Variants in WAC observed in about 807,000 individuals in gnomAD.
WAC encodes WW domain containing adaptor with coiled-coil.
A neutral mutation model predicts 79.6 loss-of-function variants in WAC; 11 were observed. The observed-to-expected ratio is 0.14, with a 90% CI of 0.09 to 0.23. The LOEUF is 0.23. Among genes scored for constraint, WAC ranks in the 10% least tolerant of loss-of-function variants. The pLI is 1.00. For synonymous variants in WAC, 304 were observed against 276.9 expected (o/e 1.10, Z -0.97); for missense variants, 728 against 773.5 (o/e 0.94, Z 0.70).
intron 3 of WAC, among the ~76,000 whole-genome samples, chr10:28,575,807 A>G (rs932162495): frequency 1.3e-5 from 2 of 152,160 alleles, no homozygotes; most frequent in East Asian, 3.8e-4. Flanking sequence ...ACTCAGTTTC[A>G]TTCTTTTGCA....
At chr10:28,585,191 C>T (rs1043853600) in intron 4 of WAC, among the ~76,000 whole-genome samples, 1 of 152,114 alleles carries the variant, frequency 6.6e-6, no homozygotes, top group Non-Finnish European at 1.5e-5. Flanking sequence ...CCACTCAAGG[C>T]TATTGAACAA....
At chr10:28,572,812 A>G (rs545523446) in intron 3 of WAC, among the ~76,000 whole-genome samples, 14 of 152,336 alleles carry the variant, frequency 9.2e-5, no homozygotes, top group African/African-American at 3.4e-4. Flanking sequence ...ACTCAGTCTC[A>G]GCAACAACAA....
Position 28,533,148 on chromosome 10 carries a change from A to AGCGGCGGCACCAGCGGCGGCG in WAC, c.-423_-403dup, listed in dbSNP as rs1836361107. The AGCGGCGGCACCAGCGGCGGCG allele has an allele frequency of 1.2e-5, 2 of 166,452 alleles. No homozygotes were observed. The highest frequency in any genetic ancestry group is 2.6e-5 in the Non-Finnish European group (2 of 78,016). The allele number at this position is 166,452 out of a possible 1,614,324, so 10.3% of individuals were successfully genotyped here. A position where few individuals can be genotyped will look rare whatever the true frequency, so the allele number is the denominator to read the frequency against. ...GCCCGGATGTAGTTGGTGGAGCGGC[A>AGCGGCGGCACCAGCGGCGGCG]GCGGCGGCACCAGCGGCGGCGGCGG... On this transcript the variant is annotated 5_prime_UTR_variant, in exon 1 of 14. Coordinates refer to ENST00000354911, the MANE Select transcript of WAC (RefSeq NM_016628.5).
intron 3 of WAC, among the ~76,000 whole-genome samples, chr10:28,548,043 C>T (rs1837458944): frequency 6.6e-6 from 1 of 151,612 alleles, no homozygotes; most frequent in South Asian, 2.1e-4. Flanking sequence ...GCCTCAGCCT[C>T]CCGAGTAGCT....
At chr10:28,534,596 T>G (rs1291163317) in intron 2 of WAC, among the ~76,000 whole-genome samples, 2 of 152,262 alleles carry the variant, frequency 1.3e-5, no homozygotes, top group Non-Finnish European at 2.9e-5. Context: ...ATCATTCTGA[T>G]GTAGGTGGTT....
In WAC at chr10:28,617,704, G is replaced by A. The variant is rs779628458; in HGVS notation, c.1794G>A (p.Met598Ile). ...EEAHNMGTIH[M>I]SEICTELKNL... The stretch of plus-strand genomic sequence containing the variant: ...CGCATAACATGGGAACTATTCACAT[G>A]TCCGAAATTTGTACTGAATTAAAAA... The change falls in exon 13 of 14, where the codon ATG (methionine) becomes ATA (isoleucine). Residue 598 changes from methionine (M) to isoleucine (I), a missense_variant. Met to Ile is a conservative substitution (Grantham distance 10, BLOSUM62 1). Transcript: ENST00000354911. The A allele has an allele frequency of 6.3e-7, 1 of 1,598,412 alleles. No homozygotes were observed. The highest frequency in any genetic ancestry group is 1.2e-5 in the South Asian group (1 of 85,274).
chr10:28,581,811 C>T (rs192553863), intron 3 of WAC, among the ~76,000 whole-genome samples: 5 of 152,292 alleles, frequency 3.3e-5, no homozygotes, highest in African/African-American at 9.6e-5. Flanking sequence ...ATCCACCTGC[C>T]TCGGCCTCCC....
At chr10:28,555,581 G>A (rs112290208) in intron 3 of WAC, among the ~76,000 whole-genome samples, 40 of 152,178 alleles carry the variant, frequency 2.6e-4, no homozygotes, top group African/African-American at 9.2e-4. Flanking sequence ...GTCAGTGGGT[G>A]GAAAATTACT....
At chr10:28,611,610 G>T in intron 9 of WAC, 164 bp from the exon 10 acceptor site, 2 of 1,234,228 alleles carry the variant, frequency 1.6e-6, no homozygotes, top group Non-Finnish European at 2.2e-6. Flanking sequence ...GTGGCCCAGT[G>T]AGAAGGTCAG....
At chr10:28,608,136 C>T in intron 7 of WAC, 50 bp from the exon 8 acceptor site, 1 of 1,603,620 alleles carries the variant, frequency 6.2e-7, no homozygotes. Flanking sequence ...ATGTTTGTTC[C>T]AATTTTCTCT....
intron 3 of WAC, among the ~76,000 whole-genome samples, chr10:28,539,492 T>C (rs1836882901): frequency 6.6e-6 from 1 of 152,188 alleles, no homozygotes; most frequent in Non-Finnish European, 1.5e-5. Context: ...TAGTCTGTGA[T>C]CTGTCTGAAA....
intron 3 of WAC, among the ~76,000 whole-genome samples, chr10:28,545,707 G>A (rs1837316159): frequency 1.3e-5 from 2 of 152,164 alleles, no homozygotes; most frequent in Admixed American, 6.5e-5. Context: ...TCACAGATAG[G>A]ATTTGTAAGT....
intron 6 of WAC, among the ~76,000 whole-genome samples, chr10:28,592,246 C>T (rs1333659283): frequency 2.0e-5 from 3 of 151,858 alleles, no homozygotes. Flanking sequence ...AAAATGAGAC[C>T]GAGGTTTTCC....
chr10:28,569,562 T>C (rs947920611), intron 3 of WAC, among the ~76,000 whole-genome samples: 1 of 152,264 alleles, frequency 6.6e-6, no homozygotes, highest in African/African-American at 2.4e-5. Flanking sequence ...ACTTTTATGA[T>C]TGAATCTGTT....
Position 28,613,260 on chromosome 10 carries a change from G to A in WAC, c.1438-1307G>A, listed in dbSNP as rs916092983. ...CACAGACCTATAATCCCAGCTACTC[G>A]GGCGGCTGAGGCATGAGAATCACTT... On this transcript the variant is annotated intron_variant, in intron 10 of 13. Transcript: ENST00000354911. 2.8e-4 allele frequency among the ~76,000 whole-genome samples: 42 copies of A among 152,190 alleles called. 1 individual carries two copies. Among genetic ancestry groups the A allele is most frequent in the East Asian group, 1.9e-4 (1 of 5,200 alleles).
At chr10:28,551,608 T>C (rs1837672404) in intron 3 of WAC, among the ~76,000 whole-genome samples, 1 of 152,108 alleles carries the variant, frequency 6.6e-6, no homozygotes, top group Non-Finnish European at 1.5e-5. Context: ...GCCTTTTATC[T>C]TATTTACTGT....
Position 28,616,172 on chromosome 10 carries a change from G to A in WAC, c.1557-1G>A, listed in dbSNP as rs1841459009. 1 of 1,580,238 alleles carries A rather than the reference G, an allele frequency of 6.3e-7. No homozygotes were observed. The highest frequency in any genetic ancestry group is 1.1e-5 in the South Asian group (1 of 87,556). On this transcript the variant is annotated splice_acceptor_variant, in intron 11 of 13. Transcript: ENST00000354911. LOFTEE classifies it high-confidence loss of function. ...ACTACACATTCAATTCTGTTTTCTA[G>A]TAGCCAGAGAAGTCCATCACCTGGT...
rs1286217702 is a variant in WAC, at chr10:28,622,997, AAT to A, written c.*3394_*3395del. 6.6e-6 allele frequency: 1 copy of A among 152,096 alleles called. No homozygotes were observed. The highest frequency in any genetic ancestry group is 1.5e-5 in the Non-Finnish European group (1 of 67,962). The allele number at this position is 152,096 out of a possible 1,614,324, so 9.4% of individuals were successfully genotyped here. On this transcript the variant is annotated 3_prime_UTR_variant, in exon 14 of 14. Coordinates refer to ENST00000354911, the MANE Select transcript of WAC (RefSeq NM_016628.5). Reference sequence around the variant, plus strand: ...TACAAAATGACACTGAAAAGTAATAAATATGTTTTGACTATATTGTGCAGTTA... The same window carrying A: ...TACAAAATGACACTGAAAAGTAATAAATGTTTTGACTATATTGTGCAGTTA...
intron 7 of WAC, among the ~76,000 whole-genome samples, chr10:28,602,972 T>C (rs1238524383): frequency 2.0e-5 from 3 of 152,184 alleles, no homozygotes; most frequent in South Asian, 2.1e-4. Flanking sequence ...TGGTCAGATA[T>C]ACAAGTCACA....
Sources: gnomAD v4.1 joint callset for allele counts (sites outside exome capture counted in the v4.1 genomes callset) on GRCh38, gnomAD v4.1.1 for gene constraint, MANE v1.5 for transcripts, NCBI Gene and HGNC (gene_info 2026-07-23, HGNC 2026-07-21) for gene names.